NUDT5: variants seen among roughly 807,000 people sequenced by gnomAD.
NUDT5 encodes the protein nudix hydrolase 5.
NUDT5 carries 21 observed loss-of-function variants against 34.1 expected under a neutral mutation model. The ratio of observed to expected loss-of-function variants is 0.62; its 90% CI spans 0.44 to 0.89. The LOEUF is 0.89. NUDT5 is among the 40% of genes least tolerant of loss of function. The probability of loss-of-function intolerance (pLI) is 0.00; values close to 1 mark genes in which losing one functional copy is unlikely to be tolerated. For synonymous variants in NUDT5, 85 were observed against 97.6 expected, an observed-to-expected ratio of 0.87 and a Z score of 0.76; for missense variants, 249 against 274.8, an observed-to-expected ratio of 0.91 and a Z score of 0.66.
chr10:12,184,630 A>G, intron 3 of NUDT5: 1 of 1,103,040 alleles, frequency 9.1e-7, no homozygotes, highest in South Asian at 1.5e-5. Context: ...TTGGCCCAAA[A>G]GTTTTAGGTC....
rs1437144885 is a variant in NUDT5 at position 12,166,430 on chromosome 10, A to G, written c.*1272T>C. 3 of 219,942 alleles carry G rather than the reference A, an allele frequency of 1.4e-5. No homozygotes were observed. The highest frequency in any genetic ancestry group is 2.8e-5 in the Non-Finnish European group (3 of 106,410). 13.6% of individuals were successfully genotyped at this position (219,942 alleles called of 1,614,324 possible). On this transcript the variant is annotated 3_prime_UTR_variant, in exon 10 of 10. Transcript: ENST00000491614. ...AATTTTCACATGTATAGGGCTAGACAGCTTCATCTGTAAAGTTCTGTATTT... is the reference window on the plus strand; with the variant it reads ...AATTTTCACATGTATAGGGCTAGACGGCTTCATCTGTAAAGTTCTGTATTT...
intron 5 of NUDT5, among the ~76,000 whole-genome samples, chr10:12,177,297 A>AAG (rs1834966201): frequency 1.3e-5 from 2 of 152,128 alleles, no homozygotes; most frequent in African/African-American, 4.8e-5. Context: ...AGGCAGGCAG[A>AAG]TCACAAGGTC....
chr10:12,190,181 G>A (rs1468333624), intron 1 of NUDT5, among the ~76,000 whole-genome samples: 2 of 152,274 alleles, frequency 1.3e-5, no homozygotes, highest in Admixed American at 6.5e-5. Flanking sequence ...GAGTCACCGC[G>A]CCAGCGAGTG....
intron 3 of NUDT5, among the ~76,000 whole-genome samples, chr10:12,179,404 G>A (rs939651251): frequency 6.6e-6 from 1 of 152,234 alleles, no homozygotes; most frequent in South Asian, 2.1e-4. Context: ...GTGAGCTGCC[G>A]CTTTCTCAGA....
chr10:12,186,614 TTTTC>T (rs1457203359), intron 1 of NUDT5, among the ~76,000 whole-genome samples: 19 of 103,124 alleles, frequency 1.8e-4, no homozygotes, highest in African/African-American at 7.3e-4. Context: ...TTCATCAGAT[TTTTC>T]TTTTTTTTTT....
At chr10:12,176,052 C>G (rs1316817240) in intron 5 of NUDT5, among the ~76,000 whole-genome samples, 1 of 151,784 alleles carries the variant, frequency 6.6e-6, no homozygotes, top group African/African-American at 2.4e-5. Context: ...ACAAAATTAG[C>G]CGGGTGTGGT....
Position 12,168,865 on chromosome 10 carries a change from C to T in NUDT5, c.551-1054G>A, listed in dbSNP as rs145605213. On this transcript the variant is annotated intron_variant, in intron 9 of 9. Transcript: ENST00000491614. This position sits in a 1 kb window ranked among gnomAD's most constrained non-coding sequence, Gnocchi z 4.8. ...GCAACCTGCGCCTCCCGGGTTCAAGCGATTCTCCTGCCCCAGCCTCCTGAG... is the reference window on the plus strand; with the variant it reads ...GCAACCTGCGCCTCCCGGGTTCAAGTGATTCTCCTGCCCCAGCCTCCTGAG... Among the ~76,000 whole-genome samples, 31 of 152,182 alleles carry T rather than the reference C, an allele frequency of 2.0e-4. No homozygotes were observed. The highest frequency in any genetic ancestry group is 2.4e-4 in the African/African-American group (10 of 41,538).
chr10:12,188,097 C>T (rs561531128), intron 1 of NUDT5, among the ~76,000 whole-genome samples: 2 of 152,256 alleles, frequency 1.3e-5, no homozygotes, highest in East Asian at 3.9e-4. Flanking sequence ...CGAGATCACG[C>T]CACTGCACTC....
At chr10:12,190,026 T>A (rs1835196207) in intron 1 of NUDT5, among the ~76,000 whole-genome samples, 1 of 152,114 alleles carries the variant, frequency 6.6e-6, no homozygotes, top group Admixed American at 6.6e-5. Flanking sequence ...CCCAAGTAGC[T>A]GGGATTACAG....
At position 12,170,680 on chromosome 10, in the gene NUDT5, A is replaced by T. The variant is rs754196242; in HGVS notation, c.550+37T>A. ...GTTTGCTGGGATGGGGACGGGGAGA[A>T]CTGGAGAAACTGGGTGGCGGTCTGG... On this transcript the variant is annotated intron_variant, in intron 9 of 9. Transcript: ENST00000491614. This position sits in a 1 kb window ranked among gnomAD's most constrained non-coding sequence, Gnocchi z 4.9. The T allele has an allele frequency of 6.3e-7, 1 of 1,598,930 alleles. No individual in the cohort carries two copies. The highest frequency in any genetic ancestry group is 8.6e-7 in the Non-Finnish European group (1 of 1,167,524).
In NUDT5 at chr10:12,170,631, A is replaced by G. The variant is rs1002309863; in HGVS notation, c.550+86T>C. On this transcript the variant is annotated intron_variant, in intron 9 of 9. Transcript: ENST00000491614. The surrounding 1 kb of genome is among the most constrained non-coding windows in gnomAD (Gnocchi z 4.9). ...CTTTAGTGATACAAAAAAGATAAAG[A>G]AATGGAGTTATATTTAGTACCCAGT... The G allele has an allele frequency of 2.3e-5, 29 of 1,234,136 alleles. No homozygotes were observed. In the African/African-American group the frequency reaches 4.2e-4, roughly 18 times the overall value. 76.4% of individuals were successfully genotyped at this position (1,234,136 alleles called of 1,614,324 possible).
chr10:12,167,974 C>A, intron 9 of NUDT5, 163 bp from the exon 10 acceptor site: 2 of 1,297,704 alleles, frequency 1.5e-6, no homozygotes, highest in Non-Finnish European at 2.0e-6. Context: ...AGAATAAAGA[C>A]TATAAAGGCA....
At position 12,173,928 on chromosome 10, in the gene NUDT5, G is replaced by A. The variant is rs932473578; in HGVS notation, c.290-115C>T. On this transcript the variant is annotated intron_variant, in intron 5 of 9. Transcript: ENST00000491614. The surrounding 1 kb of genome is among the most constrained non-coding windows in gnomAD (Gnocchi z 4.7). ...GTCGCCCAGGCTGGAGTGCAGTGGT[G>A]CGATCTCGGCCCACTGCAACCTCCG... is the stretch of plus-strand genomic sequence containing the variant. 15 of 746,564 alleles carry A rather than the reference G, an allele frequency of 2.0e-5. No homozygotes were observed. Among genetic ancestry groups the A allele is most frequent in the Non-Finnish European group, 2.8e-5 (12 of 426,028 alleles). The allele number at this position is 746,564 out of a possible 1,614,324, so 46.2% of individuals were successfully genotyped here. A position where few individuals can be genotyped will look rare whatever the true frequency, so the allele number is the denominator to read the frequency against.
chr10:12,165,379 T>C lies in NUDT5; in HGVS notation c.*2323A>G. 1 of 970,374 alleles carries C rather than the reference T, an allele frequency of 1.0e-6. No homozygotes were observed. Among genetic ancestry groups the C allele is most frequent in the Non-Finnish European group, 1.2e-6 (1 of 816,300 alleles). The allele number at this position is 970,374 out of a possible 1,614,324, so 60.1% of individuals were successfully genotyped here. ...TTTAAGAAAACTGATTCAGTTGTGT[T>C]GGAAAAAATAAAGAAATCTGATATT... On this transcript the variant is annotated 3_prime_UTR_variant, in exon 10 of 10. Coordinates refer to ENST00000491614, the MANE Select transcript of NUDT5 (RefSeq NM_014142.4).
Position 12,166,701 on chromosome 10 carries a change from C to T in NUDT5, c.*1001G>A. On this transcript the variant is annotated 3_prime_UTR_variant, in exon 10 of 10. Transcript: ENST00000491614. ...AATCATCCTGAGAATTCCGTGGGGG[C>T]CAGACTGGAAAGTCCTGGAAAATCA... 3 of 507,538 alleles carry T rather than the reference C, an allele frequency of 5.9e-6. No homozygotes were observed. The highest frequency in any genetic ancestry group is 4.5e-5 in the South Asian group (3 of 67,136). The allele number at this position is 507,538 out of a possible 1,614,324, so 31.4% of individuals were successfully genotyped here.
At chr10:12,179,675 T>C (rs917534594) in intron 3 of NUDT5, among the ~76,000 whole-genome samples, 14 of 152,138 alleles carry the variant, frequency 9.2e-5, no homozygotes, top group African/African-American at 3.4e-4. Context: ...GCCCCTACTT[T>C]GCATGTGTGA....
At chr10:12,185,282 C>G (rs994817636) in intron 2 of NUDT5, among the ~76,000 whole-genome samples, 21 of 152,146 alleles carry the variant, frequency 1.4e-4, no homozygotes, top group Non-Finnish European at 2.9e-5. Flanking sequence ...GTGAGGGTGT[C>G]CTGGGACGCT....
At chr10:12,172,619 A>C (rs1287959076) in intron 7 of NUDT5, 146 bp downstream of exon 7, 12 of 619,840 alleles carry the variant, frequency 1.9e-5, no homozygotes, top group Non-Finnish European at 3.2e-5. Context: ...ATGATTAGGA[A>C]GAGAGACAAG....
At position 12,170,346 on chromosome 10, in the gene NUDT5, C is replaced by T; in HGVS notation, c.550+371G>A. 2.7e-6 allele frequency: 2 copies of T among 731,334 alleles called. No individual in the cohort carries two copies. The highest frequency in any genetic ancestry group is 2.6e-5 in the East Asian group (1 of 38,818). 45.3% of individuals were successfully genotyped at this position (731,334 alleles called of 1,614,324 possible). ...ATACAGCCTCCACAAAGGACCATCC[C>T]TCATACTAGCATACTTGAGGAAAAG... On this transcript the variant is annotated intron_variant, in intron 9 of 9. Transcript: ENST00000491614. The surrounding 1 kb of genome is among the most constrained non-coding windows in gnomAD (Gnocchi z 4.9).
Sources: allele counts gnomAD v4.1 joint callset (sites outside exome capture counted in the v4.1 genomes callset), GRCh38; gene constraint gnomAD v4.1.1; non-coding constraint Gnocchi (gnomAD v3.1); transcripts MANE v1.5; gene names NCBI Gene and HGNC (gene_info 2026-07-23, HGNC 2026-07-21).